Variants in ACCS observed in about 807,000 individuals in gnomAD.
ACCS encodes 1-aminocyclopropane-1-carboxylate synthase-like protein 1.
ACCS carries 42 observed loss-of-function variants against 59.8 expected under a neutral mutation model. The observed-to-expected ratio is 0.70, with a 90% confidence interval of 0.55 to 0.91. The LOEUF (loss-of-function observed/expected upper bound fraction) is 0.91, where lower values mean the gene tolerates loss of function less well. ACCS is among the 40% of genes least tolerant of loss of function. The pLI, the probability that ACCS is intolerant of heterozygous loss-of-function variation, is 0.00. For synonymous variants in ACCS, 230 were observed against 240.3 expected (o/e 0.96, Z 0.40); for missense variants, 602 against 630.4 (o/e 0.95, Z 0.48).
intron 4 of ACCS, 121 bp downstream of exon 4, chr11:44,073,638 G>C (rs545329111): frequency 3.1e-6 from 3 of 959,626 alleles, no homozygotes; most frequent in African/African-American, 1.6e-5. Flanking sequence ...TAGAGGTCAG[G>C]GATGCTGCCT....
At chr11:44,074,013 G>A (rs1953190149) in intron 4 of ACCS, among the ~76,000 whole-genome samples, 1 of 152,184 alleles carries the variant, frequency 6.6e-6, no homozygotes, top group African/African-American at 2.4e-5. Context: ...CTCAGCGGCT[G>A]AGCAGGACTT....
At chr11:44,077,231 G>A (rs1445668276) in intron 6 of ACCS, 48 bp from the exon 7 acceptor site, 1 of 1,591,870 alleles carries the variant, frequency 6.3e-7, no homozygotes, top group Non-Finnish European at 8.6e-7. Flanking sequence ...GAGGGTCTGG[G>A]GTGTTCTGGC....
At chr11:44,069,569 A>T (rs1952953243) in intron 2 of ACCS, among the ~76,000 whole-genome samples, 1 of 152,216 alleles carries the variant, frequency 6.6e-6, no homozygotes, top group Non-Finnish European at 1.5e-5. Flanking sequence ...TCTTTTGTGA[A>T]GGTGCCATGA....
intron 10 of ACCS, chr11:44,080,454 C>A (rs534182568): frequency 6.5e-6 from 1 of 153,290 alleles, no homozygotes; most frequent in African/African-American, 2.4e-5. Context: ...TGATTGTCCA[C>A]GATCCTTGGT....
intron 8 of ACCS, 77 bp from the exon 9 acceptor site, chr11:44,078,607 C>A: frequency 7.7e-7 from 1 of 1,298,566 alleles, no homozygotes; most frequent in Non-Finnish European, 1.1e-6. Flanking sequence ...AGCCTTCCAG[C>A]GATCAGCCCC....
At chr11:44,078,034 T>G (rs1953461662) in intron 8 of ACCS, 112 bp downstream of exon 8, 1 of 1,345,500 alleles carries the variant, frequency 7.4e-7, no homozygotes, top group Non-Finnish European at 1.0e-6. Flanking sequence ...ACCCGGTGAT[T>G]GGGACAGACA....
At chr11:44,069,348 C>CT (rs1279565481) in intron 2 of ACCS, among the ~76,000 whole-genome samples, 1 of 152,048 alleles carries the variant, frequency 6.6e-6, no homozygotes, top group Admixed American at 6.6e-5. Context: ...TCCTGAGTAG[C>CT]TGGGATTACA....
rs753907459 is a variant in ACCS at position 44,081,259 on chromosome 11, C to T, written c.1050C>T (p.Cys350=). 1.2e-6 allele frequency: 2 copies of T among 1,614,254 alleles called. No homozygotes were observed. The highest frequency in any genetic ancestry group is 1.7e-6 in the Non-Finnish European group (2 of 1,180,054). ...TGGCCACTGCCGTGGCTTCCCTCTG[C>T]CGCTACCACGGCCTCAGTGGCTTGG... is the stretch of plus-strand genomic sequence containing the variant. The part of the protein sequence containing the change: ...QDVATAVASL[C]RYHGLSGLVQ... The change falls in exon 12 of 15, where the codon TGC becomes TGT. Residue 350 remains cysteine (C), a synonymous_variant. Coordinates refer to ENST00000263776, the MANE Select transcript of ACCS (RefSeq NM_032592.4).
chr11:44,078,193 G>A (rs1257296295), intron 8 of ACCS: 1 of 463,406 alleles, frequency 2.2e-6, no homozygotes, highest in Non-Finnish European at 3.8e-6. Flanking sequence ...TGATCCATCT[G>A]ATTATGATTC....
At chr11:44,079,509 C>T in intron 9 of ACCS, 22 bp from the exon 10 acceptor site, 1 of 1,596,972 alleles carries the variant, frequency 6.3e-7, no homozygotes, top group Non-Finnish European at 8.5e-7. Flanking sequence ...AGTCTCTCCT[C>T]CCCACCCCTG....
intron 13 of ACCS, 41 bp from the exon 14 acceptor site, chr11:44,083,379 GGTGA>G: frequency 1.9e-6 from 3 of 1,613,066 alleles, no homozygotes; most frequent in Non-Finnish European, 2.5e-6. Flanking sequence ...AGGGGCAGTT[GGTGA>G]GGGGTCTCAG....
intron 12 of ACCS, among the ~76,000 whole-genome samples, chr11:44,082,928 G>T (rs1953705507): frequency 6.6e-6 from 1 of 152,042 alleles, no homozygotes; most frequent in Admixed American, 6.5e-5. Context: ...CGCTGAGGGG[G>T]TGTGGGACCT....
At chr11:44,075,670 G>A (rs1953325115) in intron 6 of ACCS, 78 bp downstream of exon 6, 2 of 1,531,944 alleles carry the variant, frequency 1.3e-6, no homozygotes, top group Non-Finnish European at 1.8e-6. Flanking sequence ...GGCCTCAAGG[G>A]CTGCAATAGT....
At chr11:44,067,500 T>TG in intron 1 of ACCS, 128 bp from the exon 2 acceptor site, 1 of 957,484 alleles carries the variant, frequency 1.0e-6, no homozygotes, top group Non-Finnish European at 1.6e-6. Flanking sequence ...ACACAGGAAG[T>TG]GATGAGTGCA....
intron 6 of ACCS, 82 bp from the exon 7 acceptor site, chr11:44,077,197 G>C: frequency 6.9e-7 from 1 of 1,455,476 alleles, no homozygotes; most frequent in South Asian, 1.3e-5. Context: ...TAAAGGCTTG[G>C]AGAGGGACTG....
Position 44,073,474 on chromosome 11 carries a change from G to A in ACCS, c.376G>A (p.Glu126Lys). 9.9e-6 allele frequency: 16 copies of A among 1,609,248 alleles called. No homozygotes were observed. Among genetic ancestry groups the A allele is most frequent in the African/African-American group, 2.7e-5 (2 of 74,966 alleles). ...GAGTCAGCGCGACATGCAGAGGGTGGAGCCATCCCTGCTGCAGTATGCTGA... is the reference window on the plus strand; with the variant it reads ...GAGTCAGCGCGACATGCAGAGGGTGAAGCCATCCCTGCTGCAGTATGCTGA... ...RLSQRDMQRVEPSLLQYADWR... is the reference protein window; with the variant it reads ...RLSQRDMQRVKPSLLQYADWR... Residue 126 changes from glutamate to lysine, a missense_variant, in exon 4 of 15, where the codon GAG becomes AAG. Physicochemically the swap from Glu to Lys is moderately conservative, Grantham distance 56. Coordinates refer to ENST00000263776, the MANE Select transcript of ACCS (RefSeq NM_032592.4).
In ACCS at chr11:44,067,862, G is replaced by A. The variant is rs369928247; in HGVS notation, c.235G>A (p.Glu79Lys). 1 of 1,613,868 alleles carries A rather than the reference G, an allele frequency of 6.2e-7. No homozygotes were observed. The highest frequency in any genetic ancestry group is 2.2e-5 in the East Asian group (1 of 44,878). ...MIKWFWDSAEEGYRTYHMDEY... is the reference protein window; with the variant it reads ...MIKWFWDSAEKGYRTYHMDEY... ...TAAATGGTTCTGGGATTCAGCTGAGGAGGGCTACAGGACCTACCACATGGA... is the reference window on the plus strand; with the variant it reads ...TAAATGGTTCTGGGATTCAGCTGAGAAGGGCTACAGGACCTACCACATGGA... The change falls in exon 2 of 15, where the codon GAG (glutamate) becomes AAG (lysine). Residue 79 changes from glutamate to lysine, a missense_variant. Physicochemically the swap from Glu to Lys is moderately conservative, Grantham distance 56. Transcript: ENST00000263776.
At chr11:44,080,955 A>G in intron 10 of ACCS, 65 bp from the exon 11 acceptor site, 3 of 1,598,440 alleles carry the variant, frequency 1.9e-6, no homozygotes, top group Non-Finnish European at 2.6e-6. Flanking sequence ...TCATTTGTTC[A>G]ACCAAACACA....
Position 44,081,287 on chromosome 11 carries a change from C to T in ACCS, c.1078C>T (p.Gln360Ter), listed in dbSNP as rs1220003245. ...CTACCACGGCCTCAGTGGCTTGGTC[C>T]AGTACCAGATGGCACAGCTGCTCCG... is the stretch of plus-strand genomic sequence containing the variant. The part of the protein sequence containing the change: ...CRYHGLSGLV[Q>*]YQMAQLLRDR... Residue 360 changes from glutamine (Q) to a stop codon, truncating the protein, a stop_gained, in exon 12 of 15, where the codon CAG becomes TAG. Transcript: ENST00000263776. LOFTEE classifies it high-confidence loss of function. 24 of 1,614,138 alleles carry T rather than the reference C, an allele frequency of 1.5e-5. No homozygotes were observed. The highest frequency in any genetic ancestry group is 4.0e-5 in the African/African-American group (3 of 74,956).
Sources: gnomAD v4.1 joint callset for allele counts (sites outside exome capture counted in the v4.1 genomes callset) on GRCh38, gnomAD v4.1.1 for gene constraint, MANE v1.5 for transcripts, NCBI Gene and HGNC (gene_info 2026-07-23, HGNC 2026-07-21) for gene names.